The following TTC17 variants were observed in gnomAD, a reference collection of about 807,000 sequenced individuals.
TTC17 encodes tetratricopeptide repeat domain 17.
Under a neutral mutation model 143.8 loss-of-function variants are expected in TTC17, and 58 were observed. The observed-to-expected ratio is 0.40, with a 90% confidence interval of 0.33 to 0.50. The LOEUF (loss-of-function observed/expected upper bound fraction) is 0.50. Ranked by LOEUF, TTC17 falls within the 20% of genes least tolerant of loss-of-function variation. TTC17 has a pLI of 0.49. For missense variants in TTC17, 1,273 were observed against 1,392.5 expected (o/e 0.91, Z 1.37); for synonymous variants, 501 against 497.8 (o/e 1.01, Z -0.09).
chr11:43,466,704 A>G (rs948219391), intron 21 of TTC17: 1 of 363,742 alleles, frequency 2.7e-6, no homozygotes, highest in Admixed American at 2.9e-5. Context: ...ACCCAAAACA[A>G]ATGAGTCCCA....
At chr11:43,478,423 C>T (rs573301718) in intron 21 of TTC17, among the ~76,000 whole-genome samples, 11 of 152,192 alleles carry the variant, frequency 7.2e-5, no homozygotes, top group African/African-American at 2.4e-4. Context: ...AGCTTATGTT[C>T]TAAACATGAG....
chr11:43,387,872 C>T, intron 2 of TTC17, among the ~76,000 whole-genome samples: 1 of 152,168 alleles, frequency 6.6e-6, no homozygotes, highest in East Asian at 1.9e-4. Flanking sequence ...ACATAGTCTA[C>T]TACCATAATA....
chr11:43,474,516 C>T (rs1234525158), intron 21 of TTC17, among the ~76,000 whole-genome samples: 2 of 152,078 alleles, frequency 1.3e-5, no homozygotes, highest in Non-Finnish European at 2.9e-5. Context: ...TGCACAATTA[C>T]ACAAAATTTT....
intron 1 of TTC17, among the ~76,000 whole-genome samples, chr11:43,372,673 T>C (rs1856614545): frequency 6.6e-6 from 1 of 151,974 alleles, no homozygotes; most frequent in Non-Finnish European, 1.5e-5. Context: ...GTAATTTTAA[T>C]AGAGATGGGG....
intron 21 of TTC17, among the ~76,000 whole-genome samples, chr11:43,454,457 T>A (rs1441096354): frequency 6.6e-6 from 1 of 152,070 alleles, no homozygotes; most frequent in Non-Finnish European, 1.5e-5. Flanking sequence ...ATTAAACAGA[T>A]GGATTCAAGG....
At chr11:43,399,675 C>T (rs1200831192) in intron 8 of TTC17, among the ~76,000 whole-genome samples, 4 of 151,988 alleles carry the variant, frequency 2.6e-5, no homozygotes, top group African/African-American at 9.7e-5. Context: ...AGAGCAAGAC[C>T]CCATTTTTTA....
At chr11:43,469,934 G>A (rs1948060753) in intron 21 of TTC17, among the ~76,000 whole-genome samples, 1 of 152,080 alleles carries the variant, frequency 6.6e-6, no homozygotes, top group African/African-American at 2.4e-5. Flanking sequence ...TCAGGCAGAA[G>A]GAAAACTATC....
chr11:43,408,230 A>G (rs1479673856), intron 15 of TTC17, among the ~76,000 whole-genome samples: 1 of 152,242 alleles, frequency 6.6e-6, no homozygotes, highest in African/African-American at 2.4e-5. Context: ...TAATGTCTAA[A>G]TGTTTATAGG....
At chr11:43,366,834 G>A (rs1428900377) in intron 1 of TTC17, among the ~76,000 whole-genome samples, 1 of 152,104 alleles carries the variant, frequency 6.6e-6, no homozygotes, top group East Asian at 1.9e-4. Flanking sequence ...TACTGACTTA[G>A]CTTTTGTGAG....
At chr11:43,394,399 A>G (rs1295805310) in intron 5 of TTC17, among the ~76,000 whole-genome samples, 1 of 152,220 alleles carries the variant, frequency 6.6e-6, no homozygotes, top group Non-Finnish European at 1.5e-5. Flanking sequence ...TGAAGGGGCC[A>G]CAACTGGAAA....
At chr11:43,430,749 A>ACAC (rs71035631) in intron 16 of TTC17, among the ~76,000 whole-genome samples, 1 of 149,630 alleles carries the variant, frequency 6.7e-6, no homozygotes, top group African/African-American at 2.5e-5. Context: ...ACACACACAC[A>ACAC]AAGTTGAAAT....
At chr11:43,362,453 C>T (rs570839341) in intron 1 of TTC17, among the ~76,000 whole-genome samples, 9 of 151,998 alleles carry the variant, frequency 5.9e-5, no homozygotes, top group African/African-American at 1.9e-4. Flanking sequence ...TGTCAACATG[C>T]GTATGTATTG....
Position 43,494,036 on chromosome 11 carries a change from A to C in TTC17, c.*132A>C. The C allele has an allele frequency of 7.8e-7, 1 of 1,284,584 alleles. No homozygotes were observed. The allele number at this position is 1,284,584 out of a possible 1,614,324, so 79.6% of individuals were successfully genotyped here. A position where few individuals can be genotyped will look rare whatever the true frequency, so the allele number is the denominator to read the frequency against. The stretch of plus-strand genomic sequence containing the variant: ...AACTAAGACTTATAACAGGACTTTT[A>C]CATATGTGGGAATTGGTTTGTTTTT... On this transcript the variant is annotated 3_prime_UTR_variant, in exon 24 of 24. Transcript: ENST00000039989.
chr11:43,396,742 T>G lies in TTC17; in HGVS notation c.697T>G (p.Ser233Ala). Residue 233 changes from serine (S) to alanine (A), a missense_variant, in exon 6 of 24, where the codon TCA becomes GCA. By Grantham distance (99) the Ser-to-Ala change is moderately conservative. Around this residue, in one of 3 missense-constraint regions of TTC17, gnomAD observed 325 missense variants for 444.2 expected, o/e 0.73. Coordinates refer to ENST00000039989, the MANE Select transcript of TTC17 (RefSeq NM_018259.6). Reference protein sequence around the residue: ...TSSWVLYNMASFYWRIKNEPY... With the variant: ...TSSWVLYNMAAFYWRIKNEPY... The stretch of plus-strand genomic sequence containing the variant: ...CTCGTGGGTACTGTATAACATGGCT[T>G]CATTTTACTGGAGAATTAAGAATGA... 1.2e-6 allele frequency: 2 copies of G among 1,609,598 alleles called. No homozygotes were observed. The highest frequency in any genetic ancestry group is 1.7e-6 in the Non-Finnish European group (2 of 1,176,686).
At chr11:43,455,979 A>G (rs1947754304) in intron 21 of TTC17, among the ~76,000 whole-genome samples, 1 of 152,228 alleles carries the variant, frequency 6.6e-6, no homozygotes, top group Non-Finnish European at 1.5e-5. Context: ...ATCTAACAGC[A>G]TATTTTGAAA....
intron 16 of TTC17, among the ~76,000 whole-genome samples, chr11:43,432,100 G>T (rs1323131277): frequency 6.6e-6 from 1 of 152,160 alleles, no homozygotes; most frequent in Non-Finnish European, 1.5e-5. Context: ...TTAGAAAGTG[G>T]AAAATACTCT....
intron 2 of TTC17, among the ~76,000 whole-genome samples, chr11:43,385,145 A>G (rs1857122940): frequency 1.3e-5 from 2 of 152,212 alleles, no homozygotes; most frequent in East Asian, 1.9e-4. Flanking sequence ...AAGTCCAACA[A>G]AAATACTATA....
chr11:43,458,543 G>C (rs1947806189), intron 21 of TTC17, among the ~76,000 whole-genome samples: 1 of 152,184 alleles, frequency 6.6e-6, no homozygotes, highest in Non-Finnish European at 1.5e-5. Context: ...AGACATGGGT[G>C]AAGAGGAGGG....
At chr11:43,375,795 A>G (rs1035000121) in intron 1 of TTC17, among the ~76,000 whole-genome samples, 7 of 152,204 alleles carry the variant, frequency 4.6e-5, no homozygotes, top group Non-Finnish European at 4.4e-5. Flanking sequence ...TAGGACATCA[A>G]AAATGTTTAT....
Sources: allele counts gnomAD v4.1 joint callset (sites outside exome capture counted in the v4.1 genomes callset), GRCh38; gene constraint gnomAD v4.1.1; regional missense constraint gnomAD v4.1.1; transcripts MANE v1.5; gene names NCBI Gene and HGNC (gene_info 2026-07-23, HGNC 2026-07-21).